Variants in GRIP1 observed in about 807,000 individuals in gnomAD.
GRIP1 encodes glutamate receptor interacting protein 1.
GRIP1 carries 45 observed loss-of-function variants against 129.9 expected under a neutral mutation model. The observed-to-expected ratio is 0.35, with a 90% CI of 0.27 to 0.44. The LOEUF (loss-of-function observed/expected upper bound fraction) is 0.44, where lower values mean the gene tolerates loss of function less well. Ranked by LOEUF, GRIP1 falls within the 20% of genes least tolerant of loss-of-function variation. The pLI is 1.00. For synonymous variants in GRIP1, 530 were observed against 520.8 expected, an observed-to-expected ratio of 1.02 and a Z score of -0.24; for missense variants, 1,196 against 1,396.8, an observed-to-expected ratio of 0.86 and a Z score of 2.29.
In GRIP1 at chr12:66,377,359, T is replaced by A. The variant is rs562891370; in HGVS notation, c.2622-74A>T. ...TTTTTTTTTTTTGAGACGGAGTCTC[T>A]CTCTGTCGCCCAGGCTGGAGTGCAG... On this transcript the variant is annotated intron_variant, in intron 20 of 24. Transcript: ENST00000359742. 106 of 971,244 alleles carry A rather than the reference T, an allele frequency of 1.1e-4. 1 individual carries two copies. The African/African-American group carries it at 1.6e-3, about 14-fold the overall frequency. The allele number at this position is 971,244 out of a possible 1,614,324, so 60.2% of individuals were successfully genotyped here.
At chr12:66,881,634 A>T (rs141479822) in intron 1 of GRIP1, among the ~76,000 whole-genome samples, 1 of 152,244 alleles carries the variant, frequency 6.6e-6, no homozygotes, top group African/African-American at 2.4e-5. Context: ...AAACTCACAG[A>T]CATTATTACA....
intron 13 of GRIP1, among the ~76,000 whole-genome samples, chr12:66,437,115 T>C (rs2058333475): frequency 6.6e-6 from 1 of 152,234 alleles, no homozygotes; most frequent in Non-Finnish European, 1.5e-5. Context: ...GTTTGGGAAT[T>C]AATATCTGGT....
At chr12:66,584,393 A>C (rs894655172) in intron 2 of GRIP1, among the ~76,000 whole-genome samples, 1 of 151,584 alleles carries the variant, frequency 6.6e-6, no homozygotes, top group Non-Finnish European at 1.5e-5. Context: ...TGTACCCTAA[A>C]ACTTAAAGTA....
In GRIP1 at chr12:66,347,462, A is replaced by C. The variant is rs888391344; in HGVS notation, c.*1557T>G. The C allele has an allele frequency of 7.9e-5, 12 of 152,194 alleles. No individual in the cohort carries two copies. Among genetic ancestry groups the C allele is most frequent in the African/African-American group, 2.2e-4 (9 of 41,448 alleles). 9.4% of individuals were successfully genotyped at this position (152,194 alleles called of 1,614,324 possible). On this transcript the variant is annotated 3_prime_UTR_variant, in exon 25 of 25. Transcript: ENST00000359742. ...ATATCCTCTTTATTTGGCTTTTTAA[A>C]ATCACTGTTTATTCCATTTGGTAGA...
chr12:66,617,776 T>C lies in GRIP1; in HGVS notation c.56-20849A>G, dbSNP rs2065107583. 7.3e-5 allele frequency among the ~76,000 whole-genome samples: 10 copies of C among 136,514 alleles called. No homozygotes were observed. The South Asian group carries it at 2.3e-3, about 31-fold the overall frequency. 89.6% of individuals were successfully genotyped at this position (136,514 alleles called of 152,430 possible). A position where few individuals can be genotyped will look rare whatever the true frequency, so the allele number is the denominator to read the frequency against. Reference sequence around the variant, plus strand: ...CTACTGGCTCATGAAAGAAAAGATGTTCAACTTCACTCATAAGAAATGCAT... The same window carrying C: ...CTACTGGCTCATGAAAGAAAAGATGCTCAACTTCACTCATAAGAAATGCAT... On this transcript the variant is annotated intron_variant, in intron 1 of 24. Transcript: ENST00000359742.
intron 1 of GRIP1, among the ~76,000 whole-genome samples, chr12:66,664,488 AAC>A (rs2033686882): frequency 6.6e-6 from 1 of 152,336 alleles, no homozygotes; most frequent in South Asian, 2.1e-4. Context: ...GAGATTTATA[AAC>A]ACAGTAAGAG....
chr12:66,995,157 G>A lies in GRIP1; in HGVS notation c.58+73893C>T, dbSNP rs115268713. On this transcript the variant is annotated intron_variant, in intron 1 of 1. Transcript: ENST00000643019. ...ATATTTATATTCAAGAATAAAGTTTGACCTACCCCTTTTTCATGCCATCTA... is the reference window on the plus strand; with the variant it reads ...ATATTTATATTCAAGAATAAAGTTTAACCTACCCCTTTTTCATGCCATCTA... 5.5e-3 allele frequency among the ~76,000 whole-genome samples: 832 copies of A among 150,422 alleles called. 9 individuals carry two copies. Among genetic ancestry groups the A allele is most frequent in the African/African-American group, 0.019 (774 of 40,900 alleles).
chr12:66,349,965 A>G (rs576758778), intron 24 of GRIP1, among the ~76,000 whole-genome samples: 1 of 151,706 alleles, frequency 6.6e-6, no homozygotes, highest in African/African-American at 2.4e-5. Flanking sequence ...TTCTCTCCTC[A>G]GTTTTTTCAG....
chr12:66,610,116 C>T (rs2064725864), intron 1 of GRIP1, among the ~76,000 whole-genome samples: 1 of 151,974 alleles, frequency 6.6e-6, no homozygotes, highest in Non-Finnish European at 1.5e-5. Flanking sequence ...TATTGATACG[C>T]AAATCAGTCA....
intron 1 of GRIP1, among the ~76,000 whole-genome samples, chr12:66,695,005 T>C (rs986312230): frequency 6.6e-6 from 1 of 152,250 alleles, no homozygotes; most frequent in African/African-American, 2.4e-5. Flanking sequence ...TATAATTTCA[T>C]AAAACAAAGG....
intron 3 of GRIP1, among the ~76,000 whole-genome samples, chr12:66,540,314 T>C (rs915467038): frequency 3.3e-5 from 5 of 152,252 alleles, no homozygotes; most frequent in African/African-American, 1.2e-4. Flanking sequence ...ACAGTGACTA[T>C]TTGGTGATTT....
chr12:66,749,370 C>T (rs1339899652), intron 1 of GRIP1, among the ~76,000 whole-genome samples: 1 of 152,104 alleles, frequency 6.6e-6, no homozygotes, highest in African/African-American at 2.4e-5. Flanking sequence ...CTCAATGGCC[C>T]CTACCTTATT....
chr12:66,472,851 G>A (rs527619946), intron 7 of GRIP1, among the ~76,000 whole-genome samples: 5 of 152,336 alleles, frequency 3.3e-5, no homozygotes, highest in Non-Finnish European at 5.9e-5. Flanking sequence ...ATGCTCTCTG[G>A]TGCCTAGGCC....
chr12:66,519,534 T>C (rs1380344569), intron 5 of GRIP1, among the ~76,000 whole-genome samples: 3 of 152,230 alleles, frequency 2.0e-5, no homozygotes, highest in Non-Finnish European at 4.4e-5. Context: ...CAAATTTCAA[T>C]ATGTAATATC....
chr12:66,876,778 A>G (rs932346353), intron 1 of GRIP1, among the ~76,000 whole-genome samples: 1 of 152,074 alleles, frequency 6.6e-6, no homozygotes, highest in African/African-American at 2.4e-5. Context: ...TATTGTGGGC[A>G]TTTGGTAGGC....
intron 7 of GRIP1, among the ~76,000 whole-genome samples, chr12:66,505,333 C>G (rs1363805697): frequency 2.6e-5 from 4 of 152,116 alleles, no homozygotes; most frequent in African/African-American, 9.7e-5. Flanking sequence ...CGAATGATTC[C>G]AGAGAGCAGA....
At chr12:66,730,179 C>T (rs1281619931) in intron 1 of GRIP1, among the ~76,000 whole-genome samples, 1 of 152,158 alleles carries the variant, frequency 6.6e-6, no homozygotes. Flanking sequence ...TTTTAATCTA[C>T]TTTCCAATAA....
At chr12:67,052,766 AAGGG>A (rs1008096578) in intron 1 of GRIP1, among the ~76,000 whole-genome samples, 5 of 115,940 alleles carry the variant, frequency 4.3e-5, no homozygotes, top group Admixed American at 2.9e-4. Flanking sequence ...CTCAAAAATG[AAGGG>A]AGGGAGGGAG....
At chr12:66,775,889 G>A (rs180800564) in intron 1 of GRIP1, among the ~76,000 whole-genome samples, 54 of 152,164 alleles carry the variant, frequency 3.5e-4, no homozygotes, top group African/African-American at 4.6e-4. Flanking sequence ...TTTCTTTCCC[G>A]CAGGGCTTCT....
Sources: allele counts gnomAD v4.1 joint callset (sites outside exome capture counted in the v4.1 genomes callset), GRCh38; gene constraint gnomAD v4.1.1; transcripts MANE v1.5; gene names NCBI Gene and HGNC (gene_info 2026-07-23, HGNC 2026-07-21).